AKT3: variants seen among roughly 807,000 people sequenced by gnomAD.
AKT3 encodes AKT serine/threonine kinase 3.
AKT3 carries 15 observed loss-of-function variants against 65.3 expected under a neutral mutation model. The observed-to-expected ratio is 0.23, with a 90% CI of 0.15 to 0.35. The LOEUF (loss-of-function observed/expected upper bound fraction) is 0.35. Ranked by LOEUF, AKT3 falls within the 10% of genes least tolerant of loss-of-function variation. The pLI is 1.00. For missense variants in AKT3, 243 were observed against 576.5 expected (o/e 0.42, Z 5.92); for synonymous variants, 206 against 183.8 (o/e 1.12, Z -0.98).
intron 2 of AKT3, among the ~76,000 whole-genome samples, chr1:243,748,145 C>T (rs1688592617): frequency 6.6e-6 from 1 of 152,200 alleles, no homozygotes; most frequent in African/African-American, 2.4e-5. Context: ...TGGAAATCAA[C>T]ATGGTTTGCT....
At chr1:243,819,601 G>C (rs1693735438) in intron 2 of AKT3, among the ~76,000 whole-genome samples, 1 of 152,222 alleles carries the variant, frequency 6.6e-6, no homozygotes, top group African/African-American at 2.4e-5. Flanking sequence ...CCAGAGGAGT[G>C]TGACAATCCC....
At chr1:243,615,000 T>G in intron 7 of AKT3, 96 bp downstream of exon 7, 1 of 885,410 alleles carries the variant, frequency 1.1e-6, no homozygotes, top group South Asian at 1.6e-5. Context: ...AAATGAGATA[T>G]CTAAATGAAT....
chr1:243,832,763 A>C lies in AKT3; in HGVS notation c.46+10362T>G, dbSNP rs536438850. On this transcript the variant is annotated intron_variant, in intron 2 of 13. Transcript: ENST00000673466. ...AAAATAGCTGGAAAGTGAGAGGGAG[A>C]TCTCAGTACAGCACGTTACTGTACT... is the stretch of plus-strand genomic sequence containing the variant. Among the ~76,000 whole-genome samples the C allele has an allele frequency of 5.9e-5, 9 of 152,326 alleles. No individual in the cohort carries two copies. The East Asian group carries it at 1.7e-3, about 29-fold the overall frequency.
chr1:243,543,434 TA>T (rs34108592), intron 12 of AKT3, among the ~76,000 whole-genome samples: 1 of 132,966 alleles, frequency 7.5e-6, no homozygotes, highest in South Asian at 2.8e-4. Flanking sequence ...CATTGTCTCT[TA>T]AAGAAATGGT....
At chr1:243,836,252 C>A (rs1198167679) in intron 2 of AKT3, among the ~76,000 whole-genome samples, 1 of 152,010 alleles carries the variant, frequency 6.6e-6, no homozygotes, top group East Asian at 1.9e-4. Flanking sequence ...ATATTAATAT[C>A]ACACAAACTG....
At chr1:243,589,495 C>T (rs536839171) in intron 8 of AKT3, among the ~76,000 whole-genome samples, 4 of 152,020 alleles carry the variant, frequency 2.6e-5, no homozygotes, top group Non-Finnish European at 5.9e-5. Context: ...TATTACCACA[C>T]ACCTGTTAGG....
intron 11 of AKT3, among the ~76,000 whole-genome samples, chr1:243,546,139 A>C (rs1213022336): frequency 6.6e-6 from 1 of 152,134 alleles, no homozygotes; most frequent in Non-Finnish European, 1.5e-5. Flanking sequence ...GGTTTTATAA[A>C]GGGCGATTCC....
intron 2 of AKT3, among the ~76,000 whole-genome samples, chr1:243,791,248 G>C (rs1691611120): frequency 6.6e-6 from 1 of 151,242 alleles, no homozygotes; most frequent in Non-Finnish European, 1.5e-5. Flanking sequence ...GAAAATAAGG[G>C]GAAAAAGTCT....
chr1:243,532,169 GT>G (rs1671580456), intron 12 of AKT3, among the ~76,000 whole-genome samples: 1 of 152,110 alleles, frequency 6.6e-6, no homozygotes, highest in Admixed American at 6.5e-5. Flanking sequence ...GTTGAAAGTG[GT>G]ATCTTTGTTT....
intron 2 of AKT3, among the ~76,000 whole-genome samples, chr1:243,779,534 A>G (rs1455228522): frequency 6.6e-6 from 1 of 152,124 alleles, no homozygotes; most frequent in Non-Finnish European, 1.5e-5. Flanking sequence ...GTTTCTCACT[A>G]GTGTCAAATA....
In AKT3 at chr1:243,575,911, T is replaced by A. The variant is rs146780095; in HGVS notation, c.697-2863A>T. On this transcript the variant is annotated intron_variant, in intron 8 of 13. Transcript: ENST00000673466. ...CAAGAAAACACATGTAGGGAACACATGTAGCCAAAAAATAATATATAATCA... is the reference window on the plus strand; with the variant it reads ...CAAGAAAACACATGTAGGGAACACAAGTAGCCAAAAAATAATATATAATCA... Among the ~76,000 whole-genome samples the A allele has an allele frequency of 3.1e-4, 47 of 152,144 alleles. No individual in the cohort carries two copies. The East Asian group carries it at 6.9e-3, about 22-fold the overall frequency.
intron 2 of AKT3, among the ~76,000 whole-genome samples, chr1:243,697,419 G>C (rs78343759): frequency 6.6e-6 from 1 of 152,058 alleles, no homozygotes; most frequent in African/African-American, 2.4e-5. Flanking sequence ...AAAATATTCA[G>C]ATAGTTATGG....
rs939434242 is a variant in AKT3, at chr1:243,588,024, A to G, written c.697-14976T>C. On this transcript the variant is annotated intron_variant, in intron 8 of 13. Transcript: ENST00000673466. ...ACAACAGAAACAAATGAGGTGAGCC[A>G]TATGATTATCCACCTTTTGTCTGGG... 2.0e-5 allele frequency among the ~76,000 whole-genome samples: 3 copies of G among 152,182 alleles called. No individual in the cohort carries two copies. In the East Asian group the frequency reaches 5.8e-4, roughly 29 times the overall value.
intron 10 of AKT3, among the ~76,000 whole-genome samples, chr1:243,558,585 T>C (rs896770692): frequency 7.2e-5 from 11 of 152,074 alleles, no homozygotes; most frequent in African/African-American, 1.9e-4. Flanking sequence ...ATGCATTTTT[T>C]TCTCAATAGC....
intron 2 of AKT3, among the ~76,000 whole-genome samples, chr1:243,719,694 T>C (rs116317384): frequency 1.3e-5 from 2 of 152,254 alleles, no homozygotes; most frequent in Non-Finnish European, 2.9e-5. Context: ...TTTTAGAGGC[T>C]CTTCCATCTC....
intron 12 of AKT3, among the ~76,000 whole-genome samples, chr1:243,540,043 C>A (rs1672204485): frequency 6.6e-6 from 1 of 152,078 alleles, no homozygotes; most frequent in Non-Finnish European, 1.5e-5. Context: ...AAATCCCATA[C>A]AAACAATTCA....
At chr1:243,803,647 C>T (rs1169356340) in intron 2 of AKT3, among the ~76,000 whole-genome samples, 2 of 1,164 alleles carry the variant, frequency 1.7e-3, no homozygotes, top group South Asian at 0.02. Context: ...CGTACATGTA[C>T]ACACACACAC....
In AKT3 at chr1:243,503,438, T is replaced by C. The variant is rs1669463968; in HGVS notation, c.*1811A>G. On this transcript the variant is annotated 3_prime_UTR_variant, in exon 14 of 14. Coordinates refer to ENST00000673466, the MANE Select transcript of AKT3 (RefSeq NM_005465.7). ...ATAATACTACGTCATGCTGTAGTCTTCCGTTTGGGAGCTGTCAGAGTTTAA... is the reference window on the plus strand; with the variant it reads ...ATAATACTACGTCATGCTGTAGTCTCCCGTTTGGGAGCTGTCAGAGTTTAA... The C allele has an allele frequency of 4.3e-6, 1 of 233,470 alleles. No homozygotes were observed. Among genetic ancestry groups the C allele is most frequent in the African/African-American group, 2.2e-5 (1 of 45,326 alleles). 14.5% of individuals were successfully genotyped at this position (233,470 alleles called of 1,614,324 possible).
At chr1:243,844,393 G>A (rs563844258) in intron 1 of AKT3, among the ~76,000 whole-genome samples, 1 of 152,288 alleles carries the variant, frequency 6.6e-6, no homozygotes, top group East Asian at 1.9e-4. Context: ...ACATACTTGG[G>A]AAAGATACGT....
Sources: gnomAD v4.1 joint callset for allele counts (sites outside exome capture counted in the v4.1 genomes callset) on GRCh38, gnomAD v4.1.1 for gene constraint, MANE v1.5 for transcripts, NCBI Gene and HGNC (gene_info 2026-07-23, HGNC 2026-07-21) for gene names.